The following ZNF883 variants were observed in gnomAD, a reference collection of about 807,000 sequenced individuals.
ZNF883 encodes zinc finger protein 883.
At chr9:112,997,642 C>A in exon 1 of ZNF883, 1 of 1,612,150 alleles carries the variant, frequency 6.2e-7, no homozygotes, top group Non-Finnish European at 8.5e-7. Flanking sequence ...CATATGGTTT[C>A]TCTCCTGTGT....
intron 1 of ZNF883, among the ~76,000 whole-genome samples, chr9:112,992,113 A>G (rs962332752): frequency 2.6e-5 from 4 of 152,174 alleles, no homozygotes; most frequent in African/African-American, 9.7e-5. Context: ...TGTGAATTTG[A>G]TCCCGTCATC....
exon 1 of ZNF883, chr9:112,997,917 G>T: frequency 6.2e-7 from 1 of 1,613,812 alleles, no homozygotes; most frequent in Non-Finnish European, 8.5e-7. Flanking sequence ...ATTCTCTCAT[G>T]ATTTCTAAGG....
downstream of ZNF883, among the ~76,000 whole-genome samples, chr9:112,994,954 G>A (rs1025879242): frequency 2.6e-5 from 4 of 151,674 alleles, no homozygotes; most frequent in South Asian, 2.1e-4. Flanking sequence ...TTCCTGTTTC[G>A]GTAAGAATGC....
downstream of ZNF883, among the ~76,000 whole-genome samples, chr9:112,996,097 T>A (rs1191302449): frequency 6.6e-6 from 1 of 152,152 alleles, no homozygotes; most frequent in East Asian, 1.9e-4. Context: ...ACAGATTTAT[T>A]CTTTAACTCC....
At chr9:112,990,892 T>C (rs1374586285) in intron 1 of ZNF883, among the ~76,000 whole-genome samples, 1 of 152,226 alleles carries the variant, frequency 6.6e-6, no homozygotes, top group Non-Finnish European at 1.5e-5. Flanking sequence ...TTCTAGCTTA[T>C]TTGCATAGAA....
chr9:113,001,326 G>C (rs1366231526), upstream of ZNF883, among the ~76,000 whole-genome samples: 1 of 152,050 alleles, frequency 6.6e-6, no homozygotes, highest in Non-Finnish European at 1.5e-5. Flanking sequence ...GTGAACGGCA[G>C]AGAATGAATC....
At chr9:113,003,580 C>CAA (rs201780460) in intron 2 of ZNF883, among the ~76,000 whole-genome samples, 451 of 103,850 alleles carry the variant, frequency 4.3e-3, no homozygotes, top group African/African-American at 8.1e-3. Flanking sequence ...AGTGGAGTCT[C>CAA]AAAAAAAAAA....
At chr9:113,004,106 CAG>C (rs1234786171) in intron 2 of ZNF883, among the ~76,000 whole-genome samples, 3 of 152,196 alleles carry the variant, frequency 2.0e-5, no homozygotes, top group African/African-American at 7.2e-5. Context: ...GACACACACA[CAG>C]AAAGTCATGT....
At chr9:112,990,458 T>C (rs569921808) in intron 1 of ZNF883, among the ~76,000 whole-genome samples, 1 of 152,358 alleles carries the variant, frequency 6.6e-6, no homozygotes, top group East Asian at 1.9e-4. Flanking sequence ...ATCCCAGGGA[T>C]AAAGCTGATT....
At chr9:113,006,479 C>G (rs925036415) in intron 2 of ZNF883, among the ~76,000 whole-genome samples, 1 of 152,192 alleles carries the variant, frequency 6.6e-6, no homozygotes, top group African/African-American at 2.4e-5. Context: ...AACTTGCTTA[C>G]ACTTTACTCT....
chr9:112,997,373 T>C (rs1828372028), exon 1 of ZNF883: 1 of 1,614,012 alleles, frequency 6.2e-7, no homozygotes, highest in Middle Eastern at 1.6e-4. Context: ...CTGACATTCA[T>C]TACATTGATA....
At chr9:112,996,539 C>T (rs1442967336), downstream of ZNF883, among the ~76,000 whole-genome samples, 2 of 151,762 alleles carry the variant, frequency 1.3e-5, no homozygotes, top group African/African-American at 4.8e-5. Context: ...CGCCTGTAAT[C>T]CCAGCACTTT....
intron 2 of ZNF883, among the ~76,000 whole-genome samples, chr9:113,008,719 G>A (rs868620652): frequency 6.6e-6 from 1 of 152,156 alleles, no homozygotes; most frequent in South Asian, 2.1e-4. Context: ...CCCAGGCACT[G>A]TCCCGGGTAA....
At chr9:112,997,597 G>C (rs776415888) in exon 1 of ZNF883, 1 of 1,613,928 alleles carries the variant, frequency 6.2e-7, no homozygotes, top group South Asian at 1.1e-5. Context: ...TGAAGGCTGG[G>C]GTATGGCTGA....
At chr9:113,000,002 A>ATGAG (rs1828407833), upstream of ZNF883, among the ~76,000 whole-genome samples, 1 of 152,186 alleles carries the variant, frequency 6.6e-6, no homozygotes, top group African/African-American at 2.4e-5. Context: ...CCTCATCCAC[A>ATGAG]TAAACTCAAG....
At chr9:112,999,802 T>C (rs1409440243), upstream of ZNF883, 2 of 152,246 alleles carry the variant, frequency 1.3e-5, no homozygotes, top group African/African-American at 4.8e-5. Context: ...AGCACCTTGA[T>C]GTGTAGACCA....
chr9:113,005,798 T>C (rs923498755), intron 2 of ZNF883, among the ~76,000 whole-genome samples: 1 of 152,174 alleles, frequency 6.6e-6, no homozygotes, highest in Non-Finnish European at 1.5e-5. Flanking sequence ...AACAGGACAG[T>C]CCTCTTCTCT....
At chr9:113,008,129 AATCAGGTAGTTAAGTG>A (rs1264684592) in intron 2 of ZNF883, among the ~76,000 whole-genome samples, 4 of 152,230 alleles carry the variant, frequency 2.6e-5, no homozygotes, top group Non-Finnish European at 4.4e-5. Flanking sequence ...ATTAGTTTTT[AATCAGGTAGTTAAGTG>A]TAAACATTTT....
intron 1 of ZNF883, among the ~76,000 whole-genome samples, chr9:112,990,897 A>C (rs1828295702): frequency 1.3e-5 from 2 of 152,168 alleles, no homozygotes; most frequent in South Asian, 4.1e-4. Context: ...GCTTATTTGC[A>C]TAGAAGTGTT....
Sources: gnomAD v4.1 joint callset for allele counts (sites outside exome capture counted in the v4.1 genomes callset) on GRCh38, gnomAD v4.1.1 for gene constraint, MANE v1.5 for transcripts, NCBI Gene and HGNC (gene_info 2026-07-23, HGNC 2026-07-21) for gene names.